The following PNLIPRP3 variants were observed in gnomAD, a reference collection of about 807,000 sequenced individuals.
PNLIPRP3 encodes pancreatic lipase related protein 3.
PNLIPRP3 carries 58 observed loss-of-function variants against 52.8 expected under a neutral mutation model. That is an observed-to-expected ratio of 1.10 (90% CI 0.89 to 1.37). The LOEUF (loss-of-function observed/expected upper bound fraction) is 1.37, where lower values mean the gene tolerates loss of function less well. Among genes scored for constraint, PNLIPRP3 ranks in the 40% most tolerant of loss-of-function variants. PNLIPRP3 has a pLI of 0.00. For missense variants in PNLIPRP3, 593 were observed against 561.6 expected (o/e 1.06, Z -0.57); for synonymous variants, 192 against 185.0 (o/e 1.04, Z -0.31).
chr10:116,446,950 C>T (rs1448931389), intron 4 of PNLIPRP3, among the ~76,000 whole-genome samples: 1 of 152,104 alleles, frequency 6.6e-6, no homozygotes, highest in Non-Finnish European at 1.5e-5. Context: ...TCACTTCAAT[C>T]TCACATGTCT....
At chr10:116,435,828 T>C (rs997721606) in intron 1 of PNLIPRP3, among the ~76,000 whole-genome samples, 3 of 152,156 alleles carry the variant, frequency 2.0e-5, no homozygotes, top group African/African-American at 7.2e-5. Flanking sequence ...TTTACAGAAA[T>C]AGAGAAAACA....
intron 1 of PNLIPRP3, among the ~76,000 whole-genome samples, chr10:116,434,731 A>G (rs1845752278): frequency 6.6e-6 from 1 of 152,222 alleles, no homozygotes; most frequent in Admixed American, 6.5e-5. Context: ...AATGCAAAAA[A>G]TAAGGGCAAC....
intron 5 of PNLIPRP3, among the ~76,000 whole-genome samples, chr10:116,460,747 T>C (rs1428970909): frequency 6.6e-6 from 1 of 152,208 alleles, no homozygotes; most frequent in Non-Finnish European, 1.5e-5. Context: ...ATTTGTTAGC[T>C]GTTTTGGCAT....
intron 5 of PNLIPRP3, among the ~76,000 whole-genome samples, chr10:116,456,140 A>G (rs1222251845): frequency 2.0e-5 from 3 of 152,182 alleles, no homozygotes; most frequent in Non-Finnish European, 4.4e-5. Context: ...GCAAAGAGTG[A>G]GGTTTACCTA....
chr10:116,444,947 A>G (rs1253941875), intron 4 of PNLIPRP3, among the ~76,000 whole-genome samples: 1 of 152,212 alleles, frequency 6.6e-6, no homozygotes, highest in East Asian at 1.9e-4. Context: ...TCCAGACACA[A>G]CTATTTAACA....
chr10:116,430,575 C>G (rs749814507), intron 1 of PNLIPRP3, among the ~76,000 whole-genome samples: 3 of 151,830 alleles, frequency 2.0e-5, no homozygotes, highest in Non-Finnish European at 4.4e-5. Context: ...AAGGAGAGTA[C>G]AGGGGTATGG....
chr10:116,432,745 C>T (rs1268260145), intron 1 of PNLIPRP3, among the ~76,000 whole-genome samples: 1 of 151,990 alleles, frequency 6.6e-6, no homozygotes, highest in South Asian at 2.1e-4. Context: ...CAGAATAAAT[C>T]CCAGGTGGGT....
rs749553166 is a variant in PNLIPRP3, at chr10:116,436,822, C to T, written c.161C>T (p.Thr54Ile). Residue 54 changes from threonine to isoleucine, a missense_variant, in exon 2 of 12, where the codon ACT becomes ATT. Thr to Ile is a moderately conservative substitution (Grantham distance 89). Transcript: ENST00000369230. ...CCCTGGTCTCCAGAGAAGATAAACA[C>T]TCGTTTCCTGCTCTACACTATACAC... ...GLPWSPEKINTRFLLYTIHNP... is the reference protein window; with the variant it reads ...GLPWSPEKINIRFLLYTIHNP... 35 of 1,613,692 alleles carry T rather than the reference C, an allele frequency of 2.2e-5. No individual in the cohort carries two copies. Among genetic ancestry groups the T allele is most frequent in the Non-Finnish European group, 2.8e-5 (33 of 1,179,772 alleles).
chr10:116,459,702 G>A (rs551562652), intron 5 of PNLIPRP3, among the ~76,000 whole-genome samples: 35 of 152,254 alleles, frequency 2.3e-4, no homozygotes, highest in African/African-American at 7.9e-4. Flanking sequence ...CCTCCCCTGG[G>A]TTGCTGGCCA....
At chr10:116,450,349 C>T (rs1846016652) in intron 4 of PNLIPRP3, among the ~76,000 whole-genome samples, 1 of 152,116 alleles carries the variant, frequency 6.6e-6, no homozygotes, top group Non-Finnish European at 1.5e-5. Flanking sequence ...TGGCCCAAGA[C>T]AATTCTTCTT....
chr10:116,464,129 T>A (rs2133148245), intron 7 of PNLIPRP3, among the ~76,000 whole-genome samples: 1 of 152,384 alleles, frequency 6.6e-6, no homozygotes. Context: ...TCATGCTTGA[T>A]AATGACAAAA....
chr10:116,432,774 G>C (rs1207114935), intron 1 of PNLIPRP3, among the ~76,000 whole-genome samples: 1 of 152,076 alleles, frequency 6.6e-6, no homozygotes. Flanking sequence ...AAAAGTAAAA[G>C]ATAAAACATT....
At chr10:116,465,081 G>A (rs11596038) in intron 7 of PNLIPRP3, among the ~76,000 whole-genome samples, 7,343 of 152,266 alleles carry the variant, frequency 0.048, 213 homozygotes, top group Middle Eastern at 0.12. Flanking sequence ...GCTCTTGGAT[G>A]AGAGGGGAAC....
At chr10:116,462,322 A>AAT (rs955921550) in intron 7 of PNLIPRP3, among the ~76,000 whole-genome samples, 151 of 146,806 alleles carry the variant, frequency 1.0e-3, no homozygotes, top group Middle Eastern at 3.6e-3. Context: ...TAATAATAAT[A>AAT]ATATATATAT....
chr10:116,464,490 T>C (rs914838445), intron 7 of PNLIPRP3, among the ~76,000 whole-genome samples: 2 of 152,168 alleles, frequency 1.3e-5, no homozygotes, highest in Non-Finnish European at 2.9e-5. Flanking sequence ...TCTGCTGACC[T>C]GGATCTCACA....
chr10:116,435,432 C>T (rs1845760365), intron 1 of PNLIPRP3, among the ~76,000 whole-genome samples: 1 of 112,618 alleles, frequency 8.9e-6, no homozygotes, highest in Non-Finnish European at 1.8e-5. Context: ...ATAATAGAAG[C>T]CAATAAATGA....
chr10:116,443,290 A>G, intron 3 of PNLIPRP3, 116 bp downstream of exon 3: 3 of 1,130,520 alleles, frequency 2.7e-6, no homozygotes, highest in Non-Finnish European at 1.2e-6. Context: ...GTTATCCACA[A>G]TTATCCGTGT....
chr10:116,442,425 T>C (rs1177041121), intron 2 of PNLIPRP3, among the ~76,000 whole-genome samples: 1 of 152,224 alleles, frequency 6.6e-6, no homozygotes, highest in Non-Finnish European at 1.5e-5. Context: ...TTCTCATGAA[T>C]TACACTGATC....
chr10:116,466,257 AGC>A (rs1564703881), intron 8 of PNLIPRP3, 89 bp downstream of exon 8: 4 of 962,256 alleles, frequency 4.2e-6, no homozygotes, highest in African/African-American at 3.3e-5. Flanking sequence ...TTGTGTAGGT[AGC>A]AAAAAAAATG....
Sources: gnomAD v4.1 joint callset for allele counts (sites outside exome capture counted in the v4.1 genomes callset) on GRCh38, gnomAD v4.1.1 for gene constraint, MANE v1.5 for transcripts, NCBI Gene and HGNC (gene_info 2026-07-23, HGNC 2026-07-21) for gene names.